PLPP4: variants seen among roughly 807,000 people sequenced by gnomAD.
PLPP4 encodes the protein phospholipid phosphatase 4.
A neutral mutation model predicts 32.2 loss-of-function variants in PLPP4; 20 were observed. The observed-to-expected ratio is 0.62, with a 90% CI of 0.44 to 0.90. The LOEUF (loss-of-function observed/expected upper bound fraction) is 0.90. Ranked by LOEUF, PLPP4 falls within the 40% of genes least tolerant of loss-of-function variation. The probability of loss-of-function intolerance (pLI) is 0.00; values close to 1 mark genes in which losing one functional copy is unlikely to be tolerated. For synonymous variants in PLPP4, 127 were observed against 133.0 expected (o/e 0.95, Z 0.31); for missense variants, 257 against 353.1 (o/e 0.73, Z 2.18).
chr10:120,560,963 C>T (rs1030515586), intron 5 of PLPP4, among the ~76,000 whole-genome samples: 18 of 152,050 alleles, frequency 1.2e-4, no homozygotes, highest in Admixed American at 6.6e-4. Flanking sequence ...GTGCCCCTAT[C>T]CCCCACATTA....
intron 5 of PLPP4, among the ~76,000 whole-genome samples, chr10:120,522,174 T>C (rs943829503): frequency 6.6e-6 from 1 of 152,220 alleles, no homozygotes; most frequent in African/African-American, 2.4e-5. Flanking sequence ...AGTCTGATTA[T>C]TATTTACCTT....
chr10:120,559,662 G>A (rs1848329049), intron 5 of PLPP4, among the ~76,000 whole-genome samples: 2 of 151,584 alleles, frequency 1.3e-5, no homozygotes, highest in African/African-American at 4.8e-5. Flanking sequence ...GGGGGGATTT[G>A]TGAAAATTTG....
intron 1 of PLPP4, among the ~76,000 whole-genome samples, chr10:120,488,880 G>A (rs1021814544): frequency 2.6e-5 from 4 of 152,182 alleles, no homozygotes; most frequent in African/African-American, 7.2e-5. Context: ...AATGACTTTG[G>A]GCAGGGCAAG....
At chr10:120,529,017 C>A (rs10886703) in intron 5 of PLPP4, among the ~76,000 whole-genome samples, 63,300 of 151,080 alleles carry the variant, frequency 0.42, 13,593 homozygotes, top group South Asian at 0.57. Context: ...AAATAACTGT[C>A]ATTTCTAAGA....
At chr10:120,566,773 C>G (rs1475166732) in intron 5 of PLPP4, among the ~76,000 whole-genome samples, 1 of 152,040 alleles carries the variant, frequency 6.6e-6, no homozygotes, top group African/African-American at 2.4e-5. Context: ...CAGGCTGGTC[C>G]CGAACTCCTG....
At chr10:120,462,739 A>G (rs17100251) in intron 1 of PLPP4, among the ~76,000 whole-genome samples, 22,089 of 151,286 alleles carry the variant, frequency 0.15, 2,064 homozygotes, top group African/African-American at 0.26. Context: ...ATAGAGATCG[A>G]GGCCCGCAGA....
chr10:120,537,253 A>G (rs989227798), intron 5 of PLPP4, among the ~76,000 whole-genome samples: 2 of 152,240 alleles, frequency 1.3e-5, no homozygotes, highest in African/African-American at 4.8e-5. Flanking sequence ...AATTCATTGC[A>G]GCATTATTCA....
upstream of PLPP4, chr10:120,457,176 G>T: frequency 1.9e-6 from 1 of 538,194 alleles, no homozygotes; most frequent in Non-Finnish European, 2.6e-6. Flanking sequence ...CCCGGCGCCC[G>T]CCTCCGCCCC....
At chr10:120,556,290 C>A (rs1372683043) in intron 5 of PLPP4, among the ~76,000 whole-genome samples, 1 of 152,164 alleles carries the variant, frequency 6.6e-6, no homozygotes, top group Non-Finnish European at 1.5e-5. Flanking sequence ...TCTTCTAGTC[C>A]TGTATTTTTT....
At chr10:120,581,598 C>T (rs1008693429) in intron 6 of PLPP4, among the ~76,000 whole-genome samples, 4 of 152,166 alleles carry the variant, frequency 2.6e-5, no homozygotes, top group East Asian at 1.9e-4. Flanking sequence ...ATGATTGCAT[C>T]GCTTGAGCTT....
chr10:120,530,461 A>G (rs1846651572), intron 5 of PLPP4, among the ~76,000 whole-genome samples: 1 of 152,178 alleles, frequency 6.6e-6, no homozygotes, highest in Non-Finnish European at 1.5e-5. Flanking sequence ...ATGTCTTGAA[A>G]TCCATATATG....
rs1157828609 is a variant in PLPP4, at chr10:120,589,191, G to A, written c.617-112G>A. 8 of 1,049,990 alleles carry A rather than the reference G, an allele frequency of 7.6e-6. No homozygotes were observed. In the East Asian group the frequency reaches 1.4e-4, roughly 19 times the overall value. 65.0% of individuals were successfully genotyped at this position (1,049,990 alleles called of 1,614,324 possible). On this transcript the variant is annotated intron_variant, in intron 6 of 6. Coordinates refer to ENST00000398250, the MANE Select transcript of PLPP4 (RefSeq NM_001030059.3). ...TTCCTTTAGTCTTTCAGGGGGTCCT[G>A]TAAGCAAACCAGGTCCTAGAACAGG... is the stretch of plus-strand genomic sequence containing the variant.
chr10:120,576,495 T>G (rs1393493702), intron 6 of PLPP4, among the ~76,000 whole-genome samples: 1 of 152,214 alleles, frequency 6.6e-6, no homozygotes, highest in Non-Finnish European at 1.5e-5. Context: ...TCTGGAGACC[T>G]TGTGCTCCTT....
At chr10:120,569,681 C>A (rs1848843723) in intron 5 of PLPP4, among the ~76,000 whole-genome samples, 1 of 152,216 alleles carries the variant, frequency 6.6e-6, no homozygotes, top group Non-Finnish European at 1.5e-5. Flanking sequence ...AAGGACATGA[C>A]CTTTCATGTC....
intron 5 of PLPP4, among the ~76,000 whole-genome samples, chr10:120,539,999 T>TTA (rs1554891154): frequency 7.0e-6 from 1 of 143,024 alleles, no homozygotes; most frequent in Non-Finnish European, 1.5e-5. Flanking sequence ...AGTAAACTTG[T>TTA]AAAAAAAAAA....
chr10:120,550,967 G>A (rs1847874438), intron 5 of PLPP4, among the ~76,000 whole-genome samples: 2 of 151,974 alleles, frequency 1.3e-5, no homozygotes, highest in Admixed American at 6.6e-5. Context: ...GTCACAGGCT[G>A]AAAGAAAATA....
intron 5 of PLPP4, 115 bp downstream of exon 5, chr10:120,521,210 T>G: frequency 7.8e-7 from 1 of 1,279,916 alleles, no homozygotes; most frequent in South Asian, 1.5e-5. Context: ...CGCAGTTCAT[T>G]TTTCTTCACT....
At chr10:120,464,559 A>G (rs1481099057) in intron 1 of PLPP4, among the ~76,000 whole-genome samples, 1 of 152,226 alleles carries the variant, frequency 6.6e-6, no homozygotes, top group Admixed American at 6.5e-5. Flanking sequence ...TCGGAACCCC[A>G]GATCTTGCTG....
chr10:120,562,737 G>T (rs1848495154), intron 5 of PLPP4, among the ~76,000 whole-genome samples: 4 of 152,150 alleles, frequency 2.6e-5, no homozygotes, highest in Admixed American at 2.6e-4. Flanking sequence ...CCTTGGCTAA[G>T]ATGTATTCCC....
Sources: gnomAD v4.1 joint callset for allele counts (sites outside exome capture counted in the v4.1 genomes callset) on GRCh38, gnomAD v4.1.1 for gene constraint, MANE v1.5 for transcripts, NCBI Gene and HGNC (gene_info 2026-07-23, HGNC 2026-07-21) for gene names.